RNF123: variants seen among roughly 807,000 people sequenced by gnomAD.
RNF123 encodes the protein E3 ubiquitin-protein ligase RNF123.
Under a neutral mutation model 168.5 loss-of-function variants are expected in RNF123, and 86 were observed. The observed-to-expected ratio is 0.51, with a 90% CI of 0.43 to 0.61. The LOEUF is 0.61. RNF123 is among the 20% of genes least tolerant of loss of function. The pLI is 0.00. For synonymous variants in RNF123, 666 were observed against 689.1 expected (o/e 0.97, Z 0.52); for missense variants, 1,419 against 1,729.7 (o/e 0.82, Z 3.19).
chr3:49,698,253 G>A, intron 7 of RNF123, 116 bp downstream of exon 7: 3 of 1,021,098 alleles, frequency 2.9e-6, no homozygotes, highest in South Asian at 1.5e-5. Context: ...AACCTGGACT[G>A]CCCTCTGGAG....
chr3:49,700,873 A>C (rs2054368545), intron 15 of RNF123, among the ~76,000 whole-genome samples, 164 bp downstream of exon 15: 1 of 152,212 alleles, frequency 6.6e-6, no homozygotes, highest in Admixed American at 6.5e-5. Context: ...CGAGAGAGCA[A>C]AGGACTGAGC....
At position 49,712,332 on chromosome 3, in the gene RNF123, C is replaced by G. The variant is rs1575535972; in HGVS notation, c.2497-147C>G. On this transcript the variant is annotated intron_variant, in intron 26 of 38. Coordinates refer to ENST00000327697, the MANE Select transcript of RNF123 (RefSeq NM_022064.5). ...GCCTGCTGAGGACTTGATTGCCCTG[C>G]TTGAGCTACTGCTCATGCTTCCTGA... The G allele has an allele frequency of 1.1e-5, 8 of 723,906 alleles. No individual in the cohort carries two copies. In the South Asian group the frequency reaches 1.5e-4, roughly 13 times the overall value. The allele number at this position is 723,906 out of a possible 1,614,324, so 44.8% of individuals were successfully genotyped here. A position where few individuals can be genotyped will look rare whatever the true frequency, so the allele number is the denominator to read the frequency against.
At chr3:49,689,699 A>G (rs113519872) in intron 1 of RNF123, 93 bp downstream of exon 1, 18 of 152,400 alleles carry the variant, frequency 1.2e-4, no homozygotes, top group Admixed American at 1.2e-3. Flanking sequence ...CCTGCAGCGC[A>G]GGGATCTGGG....
rs561212361 is a variant in RNF123 at position 49,721,273 on chromosome 3, G to C, written c.3913G>C (p.Ala1305Pro). 6.2e-7 allele frequency: 1 copy of C among 1,614,222 alleles called. No homozygotes were observed. The highest frequency in any genetic ancestry group is 1.3e-5 in the African/African-American group (1 of 75,048). Residue 1305 changes from alanine (A) to proline (P), a missense_variant, in exon 39 of 39, where the codon GCC becomes CCC. Ala to Pro is a conservative substitution (Grantham distance 27). This residue lies in a region of RNF123 where 50 missense variants were observed against 77.2 expected (regional missense o/e 0.65). Transcript: ENST00000327697. ...GTCTGTAGAGGACTGGGAGAAGGGA[G>C]CCAATACGAGTACTACCTCCTCAGC... Reference protein sequence around the residue: ...IVSVEDWEKGANTSTTSSAA With the variant: ...IVSVEDWEKGPNTSTTSSAA
intron 26 of RNF123, among the ~76,000 whole-genome samples, chr3:49,709,542 C>T (rs978981500): frequency 1.2e-4 from 18 of 152,232 alleles, no homozygotes; most frequent in Non-Finnish European, 7.4e-5. Flanking sequence ...CCTCGTGATC[C>T]ACCCGCCTCG....
chr3:49,720,871 G>A lies in RNF123; in HGVS notation c.3715G>A (p.Ala1239Thr). ...GCTGGCGCACCTGACCTCTGCATCT[G>A]CCCAGGCAGCAGCTGCCTCCCTGGT... ...QMLAHLTSAS[A>T]QAAAASLPTS... The change falls in exon 37 of 39, where the codon GCC becomes ACC. Residue 1239 changes from alanine to threonine, a missense_variant. Transcript: ENST00000327697. The A allele has an allele frequency of 6.2e-7, 1 of 1,614,156 alleles. No individual in the cohort carries two copies. Among genetic ancestry groups the A allele is most frequent in the South Asian group, 1.1e-5 (1 of 91,084 alleles).
intron 35 of RNF123, chr3:49,718,984 T>A (rs539593416): frequency 1.2e-6 from 2 of 1,613,756 alleles, no homozygotes; most frequent in South Asian, 2.2e-5. Flanking sequence ...CAGGTAGAGA[T>A]GGCTGAGCGC....
In RNF123 at chr3:49,720,877, G is replaced by A. The variant is rs1234914611; in HGVS notation, c.3721G>A (p.Ala1241Thr). ...GCACCTGACCTCTGCATCTGCCCAGGCAGCAGCTGCCTCCCTGGTGAGTGG... is the reference window on the plus strand; with the variant it reads ...GCACCTGACCTCTGCATCTGCCCAGACAGCAGCTGCCTCCCTGGTGAGTGG... ...LAHLTSASAQ[A>T]AAASLPTSEE... The change falls in exon 37 of 39, where the codon GCA becomes ACA. Residue 1241 changes from alanine (A) to threonine (T), a missense_variant. By Grantham distance (58) the Ala-to-Thr change is moderately conservative. This residue lies in a region of RNF123 where 164 missense variants were observed against 152.3 expected (regional missense o/e 1.08). Transcript: ENST00000327697. 4 of 1,614,136 alleles carry A rather than the reference G, an allele frequency of 2.5e-6. No homozygotes were observed. Among genetic ancestry groups the A allele is most frequent in the Middle Eastern group, 1.6e-4 (1 of 6,062 alleles).
intron 26 of RNF123, among the ~76,000 whole-genome samples, chr3:49,708,356 T>C (rs1295890030): frequency 6.6e-6 from 1 of 152,224 alleles, no homozygotes; most frequent in Non-Finnish European, 1.5e-5. Context: ...TGATACTCCG[T>C]GCCTGTTGAA....
intron 3 of RNF123, among the ~76,000 whole-genome samples, chr3:49,695,006 G>T (rs1057031660): frequency 1.3e-5 from 2 of 152,218 alleles, no homozygotes; most frequent in African/African-American, 4.8e-5. Flanking sequence ...AGTGCTGTAG[G>T]CACTCAGTGG....
chr3:49,693,630 T>C (rs1238319053), intron 3 of RNF123, among the ~76,000 whole-genome samples: 1 of 152,124 alleles, frequency 6.6e-6, no homozygotes, highest in South Asian at 2.1e-4. Flanking sequence ...GTGCTGAGAT[T>C]ACAGGCATGA....
intron 35 of RNF123, chr3:49,719,394 C>A: frequency 6.2e-7 from 1 of 1,613,662 alleles, no homozygotes; most frequent in Non-Finnish European, 8.5e-7. Context: ...GCGGGAAACC[C>A]TCGGAGTCCG....
chr3:49,702,813 C>T (rs1436890760), intron 20 of RNF123, 60 bp downstream of exon 20: 13 of 1,609,880 alleles, frequency 8.1e-6, no homozygotes, highest in African/African-American at 2.7e-5. Context: ...TAGGGCAGCC[C>T]CTAATGTTAG....
chr3:49,697,088 C>A, intron 3 of RNF123, 55 bp from the exon 4 acceptor site: 2 of 1,432,892 alleles, frequency 1.4e-6, no homozygotes, highest in South Asian at 1.2e-5. Flanking sequence ...GATTTAGTGT[C>A]ATCTGGCTGA....
At chr3:49,692,229 C>G (rs2054181115) in intron 3 of RNF123, among the ~76,000 whole-genome samples, 2 of 152,206 alleles carry the variant, frequency 1.3e-5, no homozygotes, top group Non-Finnish European at 2.9e-5. Flanking sequence ...GCCTGGGTGA[C>G]AGAGCAAGAC....
Position 49,705,649 on chromosome 3 carries a change from C to T in RNF123, c.2274C>T (p.Tyr758=). ...TCCTGGATGGGGCGGTCATGATGTA[C>T]AACCTCAGCGTACACCAGCAGCTGG... The part of the protein sequence containing the change: ...LEVLDGAVMM[Y]NLSVHQQLGK... Residue 758 remains tyrosine (Y), a synonymous_variant, in exon 24 of 39, where the codon TAC becomes TAT. Coordinates refer to ENST00000327697, the MANE Select transcript of RNF123 (RefSeq NM_022064.5). 1 of 1,614,190 alleles carries T rather than the reference C, an allele frequency of 6.2e-7. No individual in the cohort carries two copies. The highest frequency in any genetic ancestry group is 8.5e-7 in the Non-Finnish European group (1 of 1,180,036).
intron 15 of RNF123, 99 bp from the exon 16 acceptor site, chr3:49,701,392 C>A: frequency 1.1e-6 from 1 of 876,742 alleles, no homozygotes; most frequent in Non-Finnish European, 1.9e-6. Flanking sequence ...GGTGGGAGAG[C>A]TGTGGTAGGC....
Position 49,714,010 on chromosome 3 carries a change from C to CGAGGGG in RNF123, c.2925+14_2925+19dup, listed in dbSNP as rs2080193566. The stretch of plus-strand genomic sequence containing the variant: ...GCGGCTCTGGAGGGTAAGCCTGACT[C>CGAGGGG]GAGGGGAAGTGGCTGAGGCTGGCTG... On this transcript the variant is annotated intron_variant, in intron 30 of 38. Transcript: ENST00000327697. 1 of 1,613,996 alleles carries CGAGGGG rather than the reference C, an allele frequency of 6.2e-7. No individual in the cohort carries two copies. The highest frequency in any genetic ancestry group is 2.2e-5 in the East Asian group (1 of 44,872).
intron 26 of RNF123, 47 bp from the exon 27 acceptor site, chr3:49,712,432 G>A: frequency 6.2e-7 from 1 of 1,600,058 alleles, no homozygotes; most frequent in Non-Finnish European, 8.5e-7. Flanking sequence ...ATGCCCCCAA[G>A]ACCCCACTGG....
Sources: gnomAD v4.1 joint callset for allele counts (sites outside exome capture counted in the v4.1 genomes callset) on GRCh38, gnomAD v4.1.1 for gene constraint, gnomAD v4.1.1 regional missense constraint, MANE v1.5 for transcripts, NCBI Gene and HGNC (gene_info 2026-07-23, HGNC 2026-07-21) for gene names.